The following SPOCK3 variants were observed in gnomAD, a reference collection of about 807,000 sequenced individuals.
SPOCK3 encodes testican-3.
A neutral mutation model predicts 56.6 loss-of-function variants in SPOCK3; 30 were observed. The observed-to-expected ratio is 0.53, with a 90% CI of 0.40 to 0.72. SPOCK3 has a LOEUF of 0.72. Among genes scored for constraint, SPOCK3 ranks in the 30% least tolerant of loss-of-function variants. The pLI, the probability that SPOCK3 is intolerant of heterozygous loss-of-function variation, is 0.00. For synonymous variants in SPOCK3, 196 were observed against 183.3 expected (o/e 1.07, Z -0.56); for missense variants, 527 against 530.0 (o/e 0.99, Z 0.06).
At chr4:167,223,054 ATTTT>A (rs1247987508) in intron 2 of SPOCK3, among the ~76,000 whole-genome samples, 22 of 113,944 alleles carry the variant, frequency 1.9e-4, no homozygotes, top group South Asian at 7.4e-4. Flanking sequence ...ATGAATATAT[ATTTT>A]ATATATGAAT....
chr4:166,740,979 G>A (rs1006077332), intron 9 of SPOCK3, among the ~76,000 whole-genome samples: 15 of 151,924 alleles, frequency 9.9e-5, no homozygotes, highest in African/African-American at 3.6e-4. Flanking sequence ...TTGTACAATG[G>A]GCACTGAAAC....
chr4:167,064,917 G>T (rs1358494959), intron 2 of SPOCK3, among the ~76,000 whole-genome samples: 2 of 150,634 alleles, frequency 1.3e-5, no homozygotes, highest in African/African-American at 4.9e-5. Context: ...GTCTGTCAGT[G>T]TCTTTGGGCA....
chr4:166,912,700 T>C lies in SPOCK3; in HGVS notation c.394A>G (p.Ile132Val), dbSNP rs371058633. Reference protein sequence around the residue: ...GVDHRQWRGPILSTCKQCPVV... With the variant: ...GVDHRQWRGPVLSTCKQCPVV... ...GGGCACTGCTTGCAGGTGGATAATA[T>C]GGGACCCCTCCACTGCCTATGGTCT... Residue 132 changes from isoleucine (I) to valine (V), a missense_variant, in exon 5 of 11, where the codon ATA becomes GTA. Ile to Val is a conservative substitution (Grantham distance 29). Transcript: ENST00000357545. 1.2e-6 allele frequency: 2 copies of C among 1,613,492 alleles called. No individual in the cohort carries two copies. The highest frequency in any genetic ancestry group is 1.7e-6 in the Non-Finnish European group (2 of 1,179,674).
chr4:166,989,502 C>T (rs1747540142), intron 4 of SPOCK3, among the ~76,000 whole-genome samples: 1 of 152,036 alleles, frequency 6.6e-6, no homozygotes, highest in Non-Finnish European at 1.5e-5. Context: ...TTTTTTGTGT[C>T]TTATGTGCTA....
intron 2 of SPOCK3, among the ~76,000 whole-genome samples, chr4:167,063,045 T>C (rs531159134): frequency 6.6e-6 from 1 of 152,000 alleles, no homozygotes; most frequent in South Asian, 2.1e-4. Context: ...AGTGTAAATA[T>C]GCTTTATGCA....
intron 7 of SPOCK3, among the ~76,000 whole-genome samples, chr4:166,770,734 C>G (rs1319412379): frequency 1.3e-5 from 2 of 152,016 alleles, no homozygotes; most frequent in Non-Finnish European, 2.9e-5. Flanking sequence ...GATTGTCAGA[C>G]CAGACAAAAA....
At chr4:167,215,377 C>T (rs1247710316) in intron 2 of SPOCK3, among the ~76,000 whole-genome samples, 7 of 152,064 alleles carry the variant, frequency 4.6e-5, no homozygotes, top group South Asian at 2.1e-4. Flanking sequence ...CTGCTGACAC[C>T]GCCTTTCAAA....
intron 3 of SPOCK3, among the ~76,000 whole-genome samples, chr4:167,054,200 C>T (rs1334328343): frequency 6.6e-6 from 1 of 152,156 alleles, no homozygotes. Context: ...ATTCTCTGAG[C>T]AACTGTCAAG....
At chr4:167,033,112 C>T (rs1752424648) in intron 3 of SPOCK3, among the ~76,000 whole-genome samples, 1 of 151,868 alleles carries the variant, frequency 6.6e-6, no homozygotes, top group Non-Finnish European at 1.5e-5. Context: ...ATCATGGTAT[C>T]ATGACATCAT....
intron 3 of SPOCK3, among the ~76,000 whole-genome samples, chr4:167,014,527 C>T (rs932440047): frequency 9.2e-5 from 14 of 151,974 alleles, no homozygotes; most frequent in Non-Finnish European, 1.8e-4. Context: ...TGGTGACATA[C>T]ACCTGTAGTC....
intron 6 of SPOCK3, among the ~76,000 whole-genome samples, chr4:166,873,007 A>G (rs968904060): frequency 2.0e-5 from 3 of 152,124 alleles, no homozygotes; most frequent in Admixed American, 6.6e-5. Context: ...CTCATCCATC[A>G]TGGAGAGAGG....
At chr4:167,054,872 T>C (rs747125601) in intron 3 of SPOCK3, among the ~76,000 whole-genome samples, 1 of 152,188 alleles carries the variant, frequency 6.6e-6, no homozygotes, top group Non-Finnish European at 1.5e-5. Flanking sequence ...CAAGTGAAAA[T>C]ATGTAATCGA....
intron 2 of SPOCK3, among the ~76,000 whole-genome samples, chr4:167,181,118 C>T (rs546209132): frequency 3.4e-4 from 51 of 152,092 alleles, no homozygotes; most frequent in African/African-American, 1.2e-3. Flanking sequence ...TTCCTTAATC[C>T]TCCAGACTCT....
intron 9 of SPOCK3, among the ~76,000 whole-genome samples, chr4:166,738,932 G>A (rs758486733): frequency 3.9e-4 from 59 of 151,902 alleles, no homozygotes; most frequent in Non-Finnish European, 7.2e-4. Context: ...ATAAATATAC[G>A]TGTGCATGTG....
At position 167,085,224 on chromosome 4, in the gene SPOCK3, G is replaced by A. The variant is rs1225430932; in HGVS notation, c.190-22687C>T. Among the ~76,000 whole-genome samples, 3 of 150,106 alleles carry A rather than the reference G, an allele frequency of 2.0e-5. No individual in the cohort carries two copies. The East Asian group carries it at 5.8e-4, about 29-fold the overall frequency. On this transcript the variant is annotated intron_variant, in intron 2 of 10. Coordinates refer to ENST00000357545, the MANE Select transcript of SPOCK3 (RefSeq NM_001040159.2). ...CTTTGAGGAATGACTATAGGAATTT[G>A]AGATGCTTATCTTGGAAGGGAAAAG... is the stretch of plus-strand genomic sequence containing the variant.
chr4:166,903,877 T>G (rs1736331207), intron 5 of SPOCK3, among the ~76,000 whole-genome samples: 1 of 151,996 alleles, frequency 6.6e-6, no homozygotes, highest in Admixed American at 6.6e-5. Flanking sequence ...GTGGGAAGAA[T>G]ATAATTTGCT....
At position 167,136,186 on chromosome 4, in the gene SPOCK3, T is replaced by C. The variant is rs181940848; in HGVS notation, c.190-73649A>G. On this transcript the variant is annotated intron_variant, in intron 2 of 10. Coordinates refer to ENST00000357545, the MANE Select transcript of SPOCK3 (RefSeq NM_001040159.2). ...AAACTGGTGGTGCAACCCAGGAATT[T>C]GTAAGGCCTCAATGTAATTCTCATG... is the stretch of plus-strand genomic sequence containing the variant. 8.9e-3 allele frequency among the ~76,000 whole-genome samples: 1,355 copies of C among 152,206 alleles called. 10 individuals are homozygous for C. Among genetic ancestry groups the C allele is most frequent in the Non-Finnish European group, 0.013 (909 of 68,004 alleles).
At chr4:167,040,532 T>C (rs1753149844) in intron 3 of SPOCK3, among the ~76,000 whole-genome samples, 1 of 152,210 alleles carries the variant, frequency 6.6e-6, no homozygotes, top group South Asian at 2.1e-4. Context: ...TAACTAATGC[T>C]TAGCTGGCCT....
intron 2 of SPOCK3, among the ~76,000 whole-genome samples, chr4:167,228,309 G>A (rs781500431): frequency 2.0e-5 from 3 of 152,044 alleles, no homozygotes; most frequent in African/African-American, 4.8e-5. Context: ...CATACATAGA[G>A]TAATTTGTTT....
Sources: allele counts gnomAD v4.1 joint callset (sites outside exome capture counted in the v4.1 genomes callset), GRCh38; gene constraint gnomAD v4.1.1; transcripts MANE v1.5; gene names NCBI Gene and HGNC (gene_info 2026-07-23, HGNC 2026-07-21).